KLHL6: variants seen among roughly 807,000 people sequenced by gnomAD.
KLHL6 encodes kelch-like protein 6.
A neutral mutation model predicts 58.6 loss-of-function variants in KLHL6; 41 were observed. The observed-to-expected ratio is 0.70, with a 90% CI of 0.55 to 0.91. The LOEUF is 0.91. Ranked by LOEUF, KLHL6 falls within the 40% of genes least tolerant of loss-of-function variation. The pLI is 0.00. For synonymous variants in KLHL6, 338 were observed against 322.7 expected, an observed-to-expected ratio of 1.05 and a Z score of -0.51; for missense variants, 714 against 805.6, an observed-to-expected ratio of 0.89 and a Z score of 1.38.
rs1414038239 is a variant in KLHL6, at chr3:183,502,810, GC to G, written c.910-2984del. Among the ~76,000 whole-genome samples the G allele has an allele frequency of 3.9e-5, 6 of 152,336 alleles. No individual in the cohort carries two copies. The East Asian group carries it at 9.6e-4, about 24-fold the overall frequency. On this transcript the variant is annotated intron_variant, in intron 3 of 6. Coordinates refer to ENST00000341319, the MANE Select transcript of KLHL6 (RefSeq NM_130446.4). ...CCACTCCTACATTCTGACACTCAGA[GC>G]CTGTTAGATAGTAAGTGTTTGTTAT... is the stretch of plus-strand genomic sequence containing the variant.
chr3:183,505,996 C>CA (rs760599971), intron 3 of KLHL6, among the ~76,000 whole-genome samples: 5 of 151,986 alleles, frequency 3.3e-5, no homozygotes, highest in Non-Finnish European at 5.9e-5. Flanking sequence ...CTAAGGACAA[C>CA]AAAAAAACTA....
At chr3:183,509,599 G>T (rs956821312) in intron 2 of KLHL6, among the ~76,000 whole-genome samples, 1 of 152,198 alleles carries the variant, frequency 6.6e-6, no homozygotes, top group Non-Finnish European at 1.5e-5. Context: ...TCTTCACGGG[G>T]CTCTTCATTC....
In KLHL6 at chr3:183,544,341, C is replaced by T. The variant is rs140855778; in HGVS notation, c.293+11020G>A. On this transcript the variant is annotated intron_variant, in intron 1 of 6. Transcript: ENST00000341319. ...TCACAGCAAAGGAGACTTATCTTTACGTGGAGATGGCCTCACCAAAAGCAT... is the reference window on the plus strand; with the variant it reads ...TCACAGCAAAGGAGACTTATCTTTATGTGGAGATGGCCTCACCAAAAGCAT... Among the ~76,000 whole-genome samples the T allele has an allele frequency of 6.7e-3, 1,013 of 152,142 alleles. 10 individuals are homozygous for T. Among genetic ancestry groups the T allele is most frequent in the African/African-American group, 0.023 (934 of 41,488 alleles).
rs567996426 is a variant in KLHL6, at chr3:183,515,452, G to A, written c.460-6944C>T. 1.7e-3 allele frequency among the ~76,000 whole-genome samples: 263 copies of A among 152,322 alleles called. 1 individual carries two copies. Among genetic ancestry groups the A allele is most frequent in the African/African-American group, 5.9e-3 (244 of 41,570 alleles). On this transcript the variant is annotated intron_variant, in intron 2 of 6. Coordinates refer to ENST00000341319, the MANE Select transcript of KLHL6 (RefSeq NM_130446.4). Reference sequence around the variant, plus strand: ...AGTCCCAGCTACTTGGGAAGCTGAGGAGGGAGGATTGCTTGAGCCTGGGAG... The same window carrying A: ...AGTCCCAGCTACTTGGGAAGCTGAGAAGGGAGGATTGCTTGAGCCTGGGAG...
chr3:183,503,821 A>G (rs954244251), intron 3 of KLHL6, among the ~76,000 whole-genome samples: 1 of 152,140 alleles, frequency 6.6e-6, no homozygotes, highest in Non-Finnish European at 1.5e-5. Context: ...GGGAAAGATG[A>G]TGATAGGACA....
chr3:183,531,064 C>T (rs1201738101), intron 1 of KLHL6, among the ~76,000 whole-genome samples: 2 of 151,996 alleles, frequency 1.3e-5, no homozygotes, highest in South Asian at 2.1e-4. Context: ...AAACTCCTGA[C>T]GTCAGGTGAT....
chr3:183,546,997 C>T (rs1449073571), intron 1 of KLHL6, among the ~76,000 whole-genome samples: 5 of 151,916 alleles, frequency 3.3e-5, no homozygotes, highest in African/African-American at 4.8e-5. Context: ...CTGCAACCTC[C>T]GCCGTCCGGG....
intron 2 of KLHL6, among the ~76,000 whole-genome samples, chr3:183,526,558 G>A (rs1711979082): frequency 6.6e-6 from 1 of 152,126 alleles, no homozygotes; most frequent in Non-Finnish European, 1.5e-5. Flanking sequence ...AATCGCTTCA[G>A]AAAGAAACTT....
intron 1 of KLHL6, among the ~76,000 whole-genome samples, chr3:183,534,950 A>AT (rs1314848457): frequency 0.011 from 1,055 of 96,728 alleles, 8 homozygotes; most frequent in Admixed American, 0.017. Flanking sequence ...ATATATATAT[A>AT]TTTTTTTTTT....
intron 2 of KLHL6, chr3:183,522,325 C>CA (rs1263924784): frequency 9.3e-5 from 14 of 150,128 alleles, no homozygotes; most frequent in African/African-American, 2.0e-4. Context: ...GACTCTGTCT[C>CA]AAAAAAAAAG....
At chr3:183,502,465 C>T (rs780999845) in intron 3 of KLHL6, among the ~76,000 whole-genome samples, 59 of 152,146 alleles carry the variant, frequency 3.9e-4, no homozygotes, top group Non-Finnish European at 7.9e-4. Context: ...GAATTGGTCT[C>T]TATGACCAAC....
chr3:183,541,358 G>A (rs1248327996), intron 1 of KLHL6, among the ~76,000 whole-genome samples: 1 of 152,224 alleles, frequency 6.6e-6, no homozygotes, highest in Admixed American at 6.5e-5. Context: ...ATGGGGAGCA[G>A]TTATGAATCT....
chr3:183,519,423 G>A (rs1381221431), intron 2 of KLHL6, among the ~76,000 whole-genome samples: 1 of 152,182 alleles, frequency 6.6e-6, no homozygotes, highest in African/African-American at 2.4e-5. Context: ...ACCATGGTAA[G>A]CCCAGGACAG....
chr3:183,531,007 T>G (rs1461786758), intron 1 of KLHL6, among the ~76,000 whole-genome samples: 1 of 151,972 alleles, frequency 6.6e-6, no homozygotes, highest in Admixed American at 6.6e-5. Context: ...AATTTTTGTA[T>G]TTTTAGTAGA....
In KLHL6 at chr3:183,491,967, G is replaced by T; in HGVS notation, c.1826C>A (p.Thr609Asn). ...HGSVTIRKSYTHIRRIVPGAV... is the reference protein window; with the variant it reads ...HGSVTIRKSYNHIRRIVPGAV... ...TCCGGGCACGATCCTGCGGATGTGG[G>T]TGTACGACTTCCTGATGGTGACGCT... Residue 609 changes from threonine (T) to asparagine (N), a missense_variant, in exon 7 of 7, where the codon ACC (threonine) becomes AAC (asparagine). Thr to Asn is a moderately conservative substitution (Grantham distance 65). This residue lies in a region of KLHL6 where 510 missense variants were observed against 629.7 expected (regional missense o/e 0.81). Coordinates refer to ENST00000341319, the MANE Select transcript of KLHL6 (RefSeq NM_130446.4). The T allele has an allele frequency of 1.3e-6, 2 of 1,561,842 alleles. No individual in the cohort carries two copies. Among genetic ancestry groups the T allele is most frequent in the South Asian group, 1.2e-5 (1 of 84,538 alleles).
intron 1 of KLHL6, among the ~76,000 whole-genome samples, chr3:183,548,466 A>G (rs73884522): frequency 0.035 from 5,263 of 152,192 alleles, 323 homozygotes; most frequent in African/African-American, 0.12. Flanking sequence ...GCTGCCTGGA[A>G]TCCTTGTCTG....
Position 183,529,695 on chromosome 3 carries a change from T to C in KLHL6, c.294-1685A>G, listed in dbSNP as rs951932940. ...AATACAAAAACTAGCCAGTCATGTC[T>C]AATCTCTTGAACCCAGGAGGCAGAG... On this transcript the variant is annotated intron_variant, in intron 1 of 6. Transcript: ENST00000341319. 5.9e-5 allele frequency among the ~76,000 whole-genome samples: 9 copies of C among 151,902 alleles called. No individual in the cohort carries two copies. The East Asian group carries it at 7.8e-4, about 13-fold the overall frequency.
At chr3:183,539,072 C>T (rs184432555) in intron 1 of KLHL6, among the ~76,000 whole-genome samples, 215 of 152,316 alleles carry the variant, frequency 1.4e-3, no homozygotes, top group Admixed American at 3.5e-3. Context: ...GTGTCCCTGG[C>T]TCCGACTCAT....
Position 183,524,192 on chromosome 3 carries a change from C to T in KLHL6, c.459+3653G>A, listed in dbSNP as rs192198956. ...TTTGCCAAGTCCTTACAGCCATTGT[C>T]CCAGGTCCATAGTTTGGGGCTGGCT... is the stretch of plus-strand genomic sequence containing the variant. On this transcript the variant is annotated intron_variant, in intron 2 of 6. Coordinates refer to ENST00000341319, the MANE Select transcript of KLHL6 (RefSeq NM_130446.4). Among the ~76,000 whole-genome samples the T allele has an allele frequency of 7.1e-4, 108 of 152,230 alleles. 1 individual carries two copies. Among genetic ancestry groups the T allele is most frequent in the African/African-American group, 2.5e-3 (102 of 41,540 alleles).
Sources: allele counts gnomAD v4.1 joint callset (sites outside exome capture counted in the v4.1 genomes callset), GRCh38; gene constraint gnomAD v4.1.1; regional missense constraint gnomAD v4.1.1; transcripts MANE v1.5; gene names NCBI Gene and HGNC (gene_info 2026-07-23, HGNC 2026-07-21).